The following EIF4G3 variants were observed in gnomAD, a reference collection of about 807,000 sequenced individuals.
EIF4G3 encodes eIF-4-gamma 3.
EIF4G3 carries 34 observed loss-of-function variants against 186.4 expected under a neutral mutation model. That is an observed-to-expected ratio of 0.18 (90% CI 0.14 to 0.24). The LOEUF is 0.24. Ranked by LOEUF, EIF4G3 falls within the 10% of genes least tolerant of loss-of-function variation. EIF4G3 has a pLI of 1.00. For missense variants in EIF4G3, 1,536 were observed against 1,948.5 expected, an observed-to-expected ratio of 0.79 and a Z score of 3.99; for synonymous variants, 673 against 679.5, an observed-to-expected ratio of 0.99 and a Z score of 0.15.
chr1:21,022,824 T>C (rs1468940899), intron 4 of EIF4G3, among the ~76,000 whole-genome samples: 3 of 152,238 alleles, frequency 2.0e-5, no homozygotes, highest in Admixed American at 6.5e-5. Context: ...TCACTGTCCA[T>C]GTAGCTTGTA....
chr1:20,882,936 G>T (rs1181535687), intron 19 of EIF4G3, among the ~76,000 whole-genome samples: 1 of 151,994 alleles, frequency 6.6e-6, no homozygotes, highest in African/African-American at 2.4e-5. Context: ...AAAAAAATCA[G>T]CCAGGCATGG....
intron 36 of EIF4G3, among the ~76,000 whole-genome samples, chr1:20,808,322 T>G (rs1231447605): frequency 6.6e-6 from 1 of 152,216 alleles, no homozygotes; most frequent in African/African-American, 2.4e-5. Flanking sequence ...CTGTATTATT[T>G]TTACAAAATT....
chr1:20,981,653 A>C lies in EIF4G3; in HGVS notation c.199-426T>G, dbSNP rs1326018356. ...GTATACGCACATACTGTATGTATACATACATGTATACGCACATACTGTATG... is the reference window on the plus strand; with the variant it reads ...GTATACGCACATACTGTATGTATACCTACATGTATACGCACATACTGTATG... On this transcript the variant is annotated intron_variant, in intron 8 of 36. Coordinates refer to ENST00000602326, the MANE Select transcript of EIF4G3 (RefSeq NM_001391906.1). 4.6e-5 allele frequency among the ~76,000 whole-genome samples: 6 copies of C among 131,422 alleles called. No individual in the cohort carries two copies. In the East Asian group the frequency reaches 1.4e-3, roughly 31 times the overall value. 86.2% of individuals were successfully genotyped at this position (131,422 alleles called of 152,430 possible). A position where few individuals can be genotyped will look rare whatever the true frequency, so the allele number is the denominator to read the frequency against.
chr1:21,053,449 C>G (rs1571768977), intron 3 of EIF4G3, among the ~76,000 whole-genome samples: 1 of 151,064 alleles, frequency 6.6e-6, no homozygotes, highest in African/African-American at 2.4e-5. Context: ...GCCAGCCGCC[C>G]CGTCCGGGAG....
intron 20 of EIF4G3, among the ~76,000 whole-genome samples, chr1:20,878,222 C>T (rs1282698779): frequency 6.6e-6 from 1 of 152,152 alleles, no homozygotes; most frequent in Non-Finnish European, 1.5e-5. Context: ...TCCAAAGCCA[C>T]ACTTACTGCT....
chr1:20,813,335 A>C (rs2059631850), intron 34 of EIF4G3, 96 bp from the exon 35 acceptor site: 2 of 743,492 alleles, frequency 2.7e-6, no homozygotes, highest in Non-Finnish European at 4.4e-6. Flanking sequence ...AGGCCGAGAC[A>C]GGAGGATCAC....
intron 3 of EIF4G3, among the ~76,000 whole-genome samples, chr1:21,052,692 T>G (rs1030092199): frequency 6.6e-6 from 1 of 152,062 alleles, no homozygotes; most frequent in Non-Finnish European, 1.5e-5. Context: ...CTGATTCTCC[T>G]GCCTCAGCCT....
chr1:20,884,565 G>A (rs2083475688), intron 19 of EIF4G3, among the ~76,000 whole-genome samples: 1 of 152,168 alleles, frequency 6.6e-6, no homozygotes. Context: ...GGAGATTGGA[G>A]AGAAGGACAA....
chr1:20,890,452 T>C (rs1213112273), intron 18 of EIF4G3, among the ~76,000 whole-genome samples: 4 of 152,130 alleles, frequency 2.6e-5, no homozygotes, highest in Admixed American at 2.6e-4. Flanking sequence ...ATTTCTGTCC[T>C]GTTTTTTTGA....
At chr1:20,815,174 GC>G (rs1390518643) in intron 34 of EIF4G3, among the ~76,000 whole-genome samples, 1 of 87,700 alleles carries the variant, frequency 1.1e-5, no homozygotes, top group Non-Finnish European at 2.3e-5. Context: ...CTCCCAAAGA[GC>G]CGAGATTGCA....
chr1:20,842,215 AT>A (rs1182234551), intron 29 of EIF4G3, among the ~76,000 whole-genome samples: 1 of 152,208 alleles, frequency 6.6e-6, no homozygotes, highest in Non-Finnish European at 1.5e-5. Context: ...TGAATGTCTA[AT>A]ATAGCTTTTT....
At chr1:21,067,032 G>A (rs185847612) in intron 3 of EIF4G3, among the ~76,000 whole-genome samples, 19 of 151,870 alleles carry the variant, frequency 1.3e-4, no homozygotes, top group Admixed American at 9.2e-4. Context: ...ATTTATAACT[G>A]GCATTTAACA....
chr1:21,056,061 T>C (rs1377341068), intron 3 of EIF4G3, among the ~76,000 whole-genome samples: 2 of 152,186 alleles, frequency 1.3e-5, no homozygotes, highest in Non-Finnish European at 1.5e-5. Flanking sequence ...CCTAAAGTGC[T>C]GTTCTTTCTA....
rs886136540 is a variant in EIF4G3, at chr1:20,941,471, TTA to T, written c.1663+18_1663+19del. On this transcript the variant is annotated intron_variant, in intron 14 of 36. Coordinates refer to ENST00000602326, the MANE Select transcript of EIF4G3 (RefSeq NM_001391906.1). The stretch of plus-strand genomic sequence containing the variant: ...TTCTTCATGTTCAGCAAGCACGAGA[TTA>T]ATGGCAGAATGGCTTACCTGGGACA... The T allele has an allele frequency of 6.2e-7, 1 of 1,605,576 alleles. No individual in the cohort carries two copies. Among genetic ancestry groups the T allele is most frequent in the African/African-American group, 1.3e-5 (1 of 74,504 alleles).
chr1:20,881,660 ACC>A (rs2082362138), intron 19 of EIF4G3, among the ~76,000 whole-genome samples: 1 of 151,778 alleles, frequency 6.6e-6, no homozygotes, highest in African/African-American at 2.4e-5. Flanking sequence ...GGTGGCACGC[ACC>A]TGTAGTTCCA....
intron 2 of EIF4G3, among the ~76,000 whole-genome samples, chr1:21,131,993 C>CA (rs1461656208): frequency 2.0e-5 from 3 of 150,408 alleles, no homozygotes; most frequent in Non-Finnish European, 4.4e-5. Flanking sequence ...TTTTAATAAT[C>CA]AAAAAAAGAA....
chr1:20,925,248 AT>A (rs2094803433), intron 14 of EIF4G3, among the ~76,000 whole-genome samples: 1 of 152,232 alleles, frequency 6.6e-6, no homozygotes, highest in Admixed American at 6.5e-5. Flanking sequence ...TTTAGGGGTT[AT>A]TCATGATTTA....
At chr1:21,032,193 G>A (rs967124706) in intron 4 of EIF4G3, among the ~76,000 whole-genome samples, 2 of 152,112 alleles carry the variant, frequency 1.3e-5, no homozygotes, top group East Asian at 1.9e-4. Flanking sequence ...TAGCACAGAT[G>A]TTTCCCTGCA....
Position 20,904,955 on chromosome 1 carries a change from A to G in EIF4G3, c.1680T>C (p.Thr560=). The change falls in exon 15 of 37, where the codon ACT becomes ACC. Residue 560 remains threonine (T), a synonymous_variant. Coordinates refer to ENST00000602326, the MANE Select transcript of EIF4G3 (RefSeq NM_001391906.1). ...TTGGTTTCTTCCATGTCTTTGGTAC[A>G]GTTATAGCTATTTGAGCTGAAATAC... ...RSPVPAQIAI[T]VPKTWKKPKD... 6.2e-7 allele frequency: 1 copy of G among 1,613,644 alleles called. No individual in the cohort carries two copies. Among genetic ancestry groups the G allele is most frequent in the Non-Finnish European group, 8.5e-7 (1 of 1,179,832 alleles).
Sources: allele counts gnomAD v4.1 joint callset (sites outside exome capture counted in the v4.1 genomes callset), GRCh38; gene constraint gnomAD v4.1.1; transcripts MANE v1.5; gene names NCBI Gene and HGNC (gene_info 2026-07-23, HGNC 2026-07-21).